CORO2A: variants seen among roughly 807,000 people sequenced by gnomAD.
CORO2A encodes the protein coronin-2A.
CORO2A carries 47 observed loss-of-function variants against 62.4 expected under a neutral mutation model. The ratio of observed to expected loss-of-function variants is 0.75; its 90% CI spans 0.60 to 0.96. The LOEUF (loss-of-function observed/expected upper bound fraction) is 0.96. CORO2A is among the 40% of genes least tolerant of loss of function. The pLI, the probability that CORO2A is intolerant of heterozygous loss-of-function variation, is 0.00. For synonymous variants in CORO2A, 273 were observed against 268.9 expected (o/e 1.02, Z -0.15); for missense variants, 610 against 684.1 (o/e 0.89, Z 1.21).
chr9:98,152,243 T>C (rs117260618), intron 2 of CORO2A, among the ~76,000 whole-genome samples: 1 of 152,262 alleles, frequency 6.6e-6, no homozygotes, highest in East Asian at 1.9e-4. Flanking sequence ...TACATTTTTC[T>C]AGTCTTACTG....
intron 1 of CORO2A, among the ~76,000 whole-genome samples, chr9:98,189,662 C>A (rs543547233): frequency 3.3e-5 from 5 of 152,012 alleles, no homozygotes; most frequent in African/African-American, 1.2e-4. Flanking sequence ...GGGAACGGAT[C>A]GGCCCAAGGT....
chr9:98,168,876 A>T (rs1539290), intron 1 of CORO2A, among the ~76,000 whole-genome samples: 1 of 152,164 alleles, frequency 6.6e-6, no homozygotes, highest in Non-Finnish European at 1.5e-5. Context: ...AGACACACAC[A>T]TGCAGAAGGC....
In CORO2A at chr9:98,123,664, T is replaced by A. The variant is rs909862480; in HGVS notation, c.*1110A>T. On this transcript the variant is annotated 3_prime_UTR_variant, in exon 12 of 12. Coordinates refer to ENST00000375077, the MANE Select transcript of CORO2A (RefSeq NM_052820.4). ...CGCTCACCACCACGGCTGGCCAACT[T>A]TTTTTTTTTGAGACGGAGTCTCACT... 6.6e-6 allele frequency: 1 copy of A among 150,668 alleles called. No homozygotes were observed. The highest frequency in any genetic ancestry group is 2.4e-5 in the African/African-American group (1 of 41,072). 9.3% of individuals were successfully genotyped at this position (150,668 alleles called of 1,614,324 possible). A position where few individuals can be genotyped will look rare whatever the true frequency, so the allele number is the denominator to read the frequency against.
intron 5 of CORO2A, among the ~76,000 whole-genome samples, chr9:98,132,770 C>A (rs1380677304): frequency 6.6e-6 from 1 of 152,224 alleles, no homozygotes; most frequent in East Asian, 1.9e-4. Flanking sequence ...GGCACGCCAA[C>A]AAGCTTTGGA....
rs1219394750 is a variant in CORO2A at position 98,154,531 on chromosome 9, G to A, written c.201+2929C>T. Among the ~76,000 whole-genome samples, 3 of 151,712 alleles carry A rather than the reference G, an allele frequency of 2.0e-5. No homozygotes were observed. In the South Asian group the frequency reaches 6.2e-4, roughly 32 times the overall value. On this transcript the variant is annotated intron_variant, in intron 2 of 11. Coordinates refer to ENST00000375077, the MANE Select transcript of CORO2A (RefSeq NM_052820.4). ...TACTAGCACATAGGAGGTCTCCCAC[G>A]AGATGCTTTCCAGTCGTAACCCTCT...
chr9:98,165,287 T>C (rs1256357279), intron 1 of CORO2A, among the ~76,000 whole-genome samples: 2 of 152,224 alleles, frequency 1.3e-5, no homozygotes, highest in African/African-American at 2.4e-5. Context: ...TGTAAATTCC[T>C]GGTAGCCCTG....
chr9:98,138,904 C>T (rs1426003946), intron 2 of CORO2A, among the ~76,000 whole-genome samples: 8 of 151,864 alleles, frequency 5.3e-5, no homozygotes, highest in East Asian at 3.9e-4. Flanking sequence ...AAAATTAGCC[C>T]GGCGTGGTGG....
chr9:98,163,741 T>TGA (rs565063006), intron 1 of CORO2A, among the ~76,000 whole-genome samples: 17,184 of 139,246 alleles, frequency 0.12, 883 homozygotes, highest in Non-Finnish European at 0.17. Flanking sequence ...TGTGTGTGTG[T>TGA]GAGAGAGAGA....
intron 1 of CORO2A, among the ~76,000 whole-genome samples, chr9:98,162,233 A>C (rs1027683788): frequency 8.7e-4 from 132 of 152,232 alleles, no homozygotes; most frequent in African/African-American, 3.0e-3. Flanking sequence ...CTCACAGACA[A>C]TACCCATGAT....
intron 1 of CORO2A, among the ~76,000 whole-genome samples, chr9:98,181,834 CA>C (rs1419231838): frequency 6.6e-6 from 1 of 152,108 alleles, no homozygotes; most frequent in Non-Finnish European, 1.5e-5. Flanking sequence ...TTTTCATCTC[CA>C]AAGGAAAACT....
intron 1 of CORO2A, among the ~76,000 whole-genome samples, chr9:98,183,049 A>C (rs992556803): frequency 6.6e-6 from 1 of 152,256 alleles, no homozygotes; most frequent in African/African-American, 2.4e-5. Flanking sequence ...ACAAGGGTCT[A>C]TTGAGGCCTA....
intron 1 of CORO2A, among the ~76,000 whole-genome samples, chr9:98,173,615 G>C (rs1259821074): frequency 6.6e-6 from 1 of 152,038 alleles, no homozygotes; most frequent in African/African-American, 2.4e-5. Context: ...AATCCTCCTC[G>C]TCCTCCTTCT....
chr9:98,140,540 A>G (rs1827551678), intron 2 of CORO2A, among the ~76,000 whole-genome samples: 1 of 151,804 alleles, frequency 6.6e-6, no homozygotes, highest in African/African-American at 2.4e-5. Context: ...TCGGGGTAAG[A>G]CAATCTTCCC....
chr9:98,184,989 G>C (rs906358270), intron 1 of CORO2A, among the ~76,000 whole-genome samples: 3 of 152,190 alleles, frequency 2.0e-5, no homozygotes, highest in Non-Finnish European at 2.9e-5. Flanking sequence ...TTATACATTA[G>C]GCAGAACAGG....
intron 2 of CORO2A, among the ~76,000 whole-genome samples, chr9:98,155,297 G>T (rs974022332): frequency 6.7e-6 from 1 of 149,440 alleles, no homozygotes; most frequent in African/African-American, 2.5e-5. Context: ...TCTATAGCTC[G>T]CCTTTCCTTT....
In CORO2A at chr9:98,129,793, C is replaced by G. The variant is rs778401206; in HGVS notation, c.967+1G>C. On this transcript the variant is annotated splice_donor_variant, in intron 8 of 11. Transcript: ENST00000375077. LOFTEE classifies it high-confidence loss of function. ...CATGAACTTCAGTGTCCCTCACTTA[C>G]CGATCCCCTTCTGTGGGTTATAGGA... is the stretch of plus-strand genomic sequence containing the variant. 13 of 1,611,436 alleles carry G rather than the reference C, an allele frequency of 8.1e-6. No homozygotes were observed. Among genetic ancestry groups the G allele is most frequent in the Non-Finnish European group, 1.1e-5 (13 of 1,177,634 alleles).
chr9:98,182,002 T>C (rs191794426), intron 1 of CORO2A, among the ~76,000 whole-genome samples: 1 of 152,262 alleles, frequency 6.6e-6, no homozygotes, highest in East Asian at 1.9e-4. Flanking sequence ...ACCGGCACCA[T>C]CTGTGCCCTG....
At chr9:98,182,835 T>C (rs771973660) in intron 1 of CORO2A, among the ~76,000 whole-genome samples, 44 of 152,264 alleles carry the variant, frequency 2.9e-4, no homozygotes, top group Non-Finnish European at 1.0e-4. Context: ...TTTTACATTT[T>C]AACATCTCTG....
chr9:98,129,808 G>T lies in CORO2A; in HGVS notation c.953C>A (p.Pro318Gln). 1 of 1,613,096 alleles carries T rather than the reference G, an allele frequency of 6.2e-7. No individual in the cohort carries two copies. The highest frequency in any genetic ancestry group is 1.1e-5 in the South Asian group (1 of 91,054). The change falls in exon 8 of 12, where the codon CCA becomes CAA. Residue 318 changes from proline to glutamine, a missense_variant. Pro to Gln is a moderately conservative substitution (Grantham distance 76). Transcript: ENST00000375077. ...SYLTEYRSYN[P>Q]QKGIGVMPKR... is the part of the protein sequence containing the mutation. ...CCCTCACTTACCGATCCCCTTCTGT[G>T]GGTTATAGGAGCGGTACTCAGTCAG...
Sources: allele counts gnomAD v4.1 joint callset (sites outside exome capture counted in the v4.1 genomes callset), GRCh38; gene constraint gnomAD v4.1.1; transcripts MANE v1.5; gene names NCBI Gene and HGNC (gene_info 2026-07-23, HGNC 2026-07-21).